ZNF423: variants seen among roughly 807,000 people sequenced by gnomAD.
ZNF423 encodes zinc finger protein 423.
A neutral mutation model predicts 95.8 loss-of-function variants in ZNF423; 12 were observed. The ratio of observed to expected loss-of-function variants is 0.13; its 90% CI spans 0.08 to 0.20. The LOEUF is 0.20. ZNF423 is among the 10% of genes least tolerant of loss of function. The pLI, the probability that ZNF423 is intolerant of heterozygous loss-of-function variation, is 1.00. For synonymous variants in ZNF423, 749 were observed against 711.9 expected (o/e 1.05, Z -0.83); for missense variants, 1,316 against 1,737.1 (o/e 0.76, Z 4.31).
intron 3 of ZNF423, among the ~76,000 whole-genome samples, chr16:49,694,464 T>G (rs913014840): frequency 1.3e-4 from 20 of 152,306 alleles, no homozygotes; most frequent in African/African-American, 4.8e-4. Flanking sequence ...ATTTTGTGCC[T>G]CCAGCCCTGA....
At position 49,534,248 on chromosome 16, in the gene ZNF423, G is replaced by T. The variant is rs28495338; in HGVS notation, c.3602-8754C>A. Reference sequence around the variant, plus strand: ...TTGTTACTTCTCCTTCTTTTTTTTTGTTTTTTTTTTTTTGTTTGCTTTTGA... The same window carrying T: ...TTGTTACTTCTCCTTCTTTTTTTTTTTTTTTTTTTTTTTGTTTGCTTTTGA... On this transcript the variant is annotated intron_variant, in intron 5 of 7. Transcript: ENST00000563137. Among the ~76,000 whole-genome samples the T allele has an allele frequency of 4.9e-3, 693 of 142,792 alleles. 3 individuals carry two copies. The highest frequency in any genetic ancestry group is 0.021 in the Middle Eastern group (6 of 280). The allele number at this position is 142,792 out of a possible 152,430, so 93.7% of individuals were successfully genotyped here. A position where few individuals can be genotyped will look rare whatever the true frequency, so the allele number is the denominator to read the frequency against.
At chr16:49,599,621 C>T (rs759260882) in intron 5 of ZNF423, among the ~76,000 whole-genome samples, 4 of 152,170 alleles carry the variant, frequency 2.6e-5, no homozygotes, top group Non-Finnish European at 5.9e-5. Flanking sequence ...CACCCAGCAA[C>T]AGTAAAATGC....
intron 2 of ZNF423, among the ~76,000 whole-genome samples, chr16:49,786,346 A>G (rs2034313769): frequency 6.6e-6 from 1 of 152,208 alleles, no homozygotes; most frequent in Non-Finnish European, 1.5e-5. Flanking sequence ...GTGAAGACAC[A>G]AACTGCGCAT....
chr16:49,539,301 G>C (rs557348307), intron 5 of ZNF423, among the ~76,000 whole-genome samples: 1 of 152,184 alleles, frequency 6.6e-6, no homozygotes, highest in African/African-American at 2.4e-5. Context: ...CTCTGTGGGG[G>C]TGACGCGGTG....
At chr16:49,536,392 A>C (rs1437412297) in intron 5 of ZNF423, among the ~76,000 whole-genome samples, 1 of 150,588 alleles carries the variant, frequency 6.6e-6, no homozygotes, top group Non-Finnish European at 1.5e-5. Context: ...CTGTCAATCT[A>C]GTAGTTACTG....
intron 1 of ZNF423, chr16:49,854,236 C>T (rs2035332032): frequency 1.0e-6 from 1 of 985,292 alleles, no homozygotes; most frequent in African/African-American, 1.7e-5. Context: ...CAACTTCTCT[C>T]AGGGAAAAGG....
At chr16:49,775,183 C>T (rs1347514543) in intron 2 of ZNF423, among the ~76,000 whole-genome samples, 2 of 152,160 alleles carry the variant, frequency 1.3e-5, no homozygotes, top group Non-Finnish European at 2.9e-5. Context: ...GTTTCTGCAT[C>T]GTGTGCCAAA....
intron 5 of ZNF423, among the ~76,000 whole-genome samples, chr16:49,623,232 T>C (rs1324256489): frequency 6.6e-6 from 1 of 152,194 alleles, no homozygotes; most frequent in Non-Finnish European, 1.5e-5. Context: ...CTGACAGCGC[T>C]GCAGGGCAGG....
Position 49,544,371 on chromosome 16 carries a change from G to C in ZNF423, c.3602-18877C>G, listed in dbSNP as rs544575205. 2.0e-3 allele frequency among the ~76,000 whole-genome samples: 308 copies of C among 152,296 alleles called. 19 individuals are homozygous for C. In the South Asian group the frequency reaches 0.062, roughly 30 times the overall value. On this transcript the variant is annotated intron_variant, in intron 5 of 7. Transcript: ENST00000563137. Reference sequence around the variant, plus strand: ...GAGGTGTGCATCTCTCTGAACGTACGCTATACTTCAACAAAGTTTTAAAAA... The same window carrying C: ...GAGGTGTGCATCTCTCTGAACGTACCCTATACTTCAACAAAGTTTTAAAAA...
intron 2 of ZNF423, among the ~76,000 whole-genome samples, chr16:49,750,307 T>C (rs1425095342): frequency 2.0e-5 from 3 of 152,162 alleles, no homozygotes; most frequent in Non-Finnish European, 2.9e-5. Flanking sequence ...AACATTTAAA[T>C]ATGGGGCTTC....
chr16:49,556,971 T>C (rs926899827), intron 5 of ZNF423, among the ~76,000 whole-genome samples: 1 of 152,162 alleles, frequency 6.6e-6, no homozygotes, highest in Non-Finnish European at 1.5e-5. Flanking sequence ...GGAAAAAAAC[T>C]ATGAGCCCAG....
rs1189087926 is a variant in ZNF423, at chr16:49,603,424, C to A, written c.3601+22746G>T. ...CTGTCACTGTCTAGATTTTTTTTTT[C>A]TTCAGACGAAGTCTCACTCTTGTCC... is the stretch of plus-strand genomic sequence containing the variant. On this transcript the variant is annotated intron_variant, in intron 5 of 7. Transcript: ENST00000563137. The surrounding 1 kb of genome is among the most constrained non-coding windows in gnomAD (Gnocchi z 4.1). 6.8e-6 allele frequency among the ~76,000 whole-genome samples: 1 copy of A among 146,398 alleles called. No individual in the cohort carries two copies. Among genetic ancestry groups the A allele is most frequent in the Non-Finnish European group, 1.5e-5 (1 of 67,724 alleles).
chr16:49,623,252 G>A (rs1972145702), intron 5 of ZNF423, among the ~76,000 whole-genome samples: 1 of 152,192 alleles, frequency 6.6e-6, no homozygotes, highest in Admixed American at 6.5e-5. Context: ...GAATGGGCAA[G>A]GGGACCTGTC....
At chr16:49,507,944 A>C (rs1384826602) in intron 7 of ZNF423, among the ~76,000 whole-genome samples, 1 of 152,212 alleles carries the variant, frequency 6.6e-6, no homozygotes, top group Non-Finnish European at 1.5e-5. Context: ...AATGTCGGCC[A>C]GGGGCTGCCA....
intron 7 of ZNF423, among the ~76,000 whole-genome samples, chr16:49,520,693 C>T (rs932163467): frequency 2.0e-5 from 3 of 152,190 alleles, no homozygotes; most frequent in African/African-American, 7.2e-5. Flanking sequence ...CACTGCCCCA[C>T]CCAAACCCCC....
chr16:49,545,033 C>T (rs1969391889), intron 5 of ZNF423, among the ~76,000 whole-genome samples: 1 of 152,256 alleles, frequency 6.6e-6, no homozygotes, highest in Non-Finnish European at 1.5e-5. Flanking sequence ...TATTCCCACT[C>T]CACACATGGA....
chr16:49,775,675 C>T (rs554085210), intron 2 of ZNF423, among the ~76,000 whole-genome samples: 3 of 152,304 alleles, frequency 2.0e-5, no homozygotes, highest in Admixed American at 1.3e-4. Context: ...TTAATTTGTG[C>T]TGTGTGTGTT....
intron 3 of ZNF423, among the ~76,000 whole-genome samples, chr16:49,649,496 C>G (rs1174055991): frequency 6.6e-6 from 1 of 152,098 alleles, no homozygotes; most frequent in African/African-American, 2.4e-5. Flanking sequence ...ATTTAGGATG[C>G]CTGCTCTAAA....
chr16:49,682,034 T>A (rs2031379833), intron 3 of ZNF423, among the ~76,000 whole-genome samples: 1 of 151,012 alleles, frequency 6.6e-6, no homozygotes, highest in Non-Finnish European at 1.5e-5. Flanking sequence ...CCCTCATCCT[T>A]CCTCCATTCC....
Sources: allele counts gnomAD v4.1 joint callset (sites outside exome capture counted in the v4.1 genomes callset), GRCh38; gene constraint gnomAD v4.1.1; non-coding constraint Gnocchi (gnomAD v3.1); transcripts MANE v1.5; gene names NCBI Gene and HGNC (gene_info 2026-07-23, HGNC 2026-07-21).